The following CCAR1 variants were observed in gnomAD, a reference collection of about 807,000 sequenced individuals.
CCAR1 encodes the protein cell division cycle and apoptosis regulator protein 1.
CCAR1 carries 78 observed loss-of-function variants against 163.8 expected under a neutral mutation model. The observed-to-expected ratio is 0.48, with a 90% CI of 0.40 to 0.57. CCAR1 has a LOEUF of 0.57. CCAR1 is among the 20% of genes least tolerant of loss of function. The pLI is 0.00. For synonymous variants in CCAR1, 443 were observed against 460.7 expected (o/e 0.96, Z 0.49); for missense variants, 1,019 against 1,365.2 (o/e 0.75, Z 4.00).
intron 24 of CCAR1, among the ~76,000 whole-genome samples, chr10:68,790,998 C>T (rs1038779636): frequency 2.0e-5 from 3 of 151,976 alleles, no homozygotes; most frequent in Admixed American, 6.6e-5. Flanking sequence ...ACACCTGCCC[C>T]ATTCACTGCA....
intron 2 of CCAR1, among the ~76,000 whole-genome samples, chr10:68,727,933 G>T (rs1318610572): frequency 6.6e-6 from 1 of 152,104 alleles, no homozygotes. Context: ...CTGCCTCCAG[G>T]GTTCAAGCAA....
At chr10:68,759,668 G>A (rs985073552) in intron 15 of CCAR1, among the ~76,000 whole-genome samples, 2 of 151,932 alleles carry the variant, frequency 1.3e-5, no homozygotes, top group Admixed American at 6.6e-5. Flanking sequence ...ATGCTGCCGC[G>A]GTGAGCCGTG....
chr10:68,777,703 G>A (rs1023160563), intron 19 of CCAR1, among the ~76,000 whole-genome samples: 1 of 149,112 alleles, frequency 6.7e-6, no homozygotes, highest in Non-Finnish European at 1.5e-5. Flanking sequence ...AAAAGCCACT[G>A]TTCAGATCAC....
intron 1 of CCAR1, chr10:68,721,620 G>C (rs1038627958): frequency 2.2e-6 from 1 of 444,838 alleles, no homozygotes; most frequent in Non-Finnish European, 4.5e-6. Context: ...GGACATCGTG[G>C]CGGCTCCCGG....
intron 19 of CCAR1, among the ~76,000 whole-genome samples, chr10:68,774,748 T>G (rs184215907): frequency 6.6e-6 from 1 of 152,220 alleles, no homozygotes; most frequent in East Asian, 1.9e-4. Flanking sequence ...TTCGCCTAAG[T>G]TTTATAAGAC....
intron 19 of CCAR1, among the ~76,000 whole-genome samples, chr10:68,776,082 G>C (rs1474908528): frequency 2.0e-5 from 3 of 151,976 alleles, no homozygotes; most frequent in African/African-American, 7.2e-5. Flanking sequence ...ACCCGCCTCA[G>C]CCTCCCAAAG....
chr10:68,783,208 G>T (rs1324850154), intron 19 of CCAR1, among the ~76,000 whole-genome samples: 1 of 150,898 alleles, frequency 6.6e-6, no homozygotes, highest in Non-Finnish European at 1.5e-5. Context: ...TTTATTTTTT[G>T]AGACGGAGTC....
Position 68,754,717 on chromosome 10 carries a change from A to G in CCAR1, c.1348A>G (p.Met450Val). ...DADHLYSAKV[M>V]LMASPSMEDL... is the part of the protein sequence containing the mutation. Reference sequence around the variant, plus strand: ...TTGAATTATTTGACTATAATAGGTAATGCTGATGGCTAGCCCTAGTATGGA... The same window carrying G: ...TTGAATTATTTGACTATAATAGGTAGTGCTGATGGCTAGCCCTAGTATGGA... Residue 450 changes from methionine to valine, a missense_variant, in exon 12 of 25, where the codon ATG (methionine) becomes GTG (valine). By Grantham distance (21) the Met-to-Val change is conservative. Transcript: ENST00000265872. 6.4e-7 allele frequency: 1 copy of G among 1,563,172 alleles called. No individual in the cohort carries two copies. Among genetic ancestry groups the G allele is most frequent in the Non-Finnish European group, 8.8e-7 (1 of 1,134,910 alleles).
Position 68,755,551 on chromosome 10 carries a change from A to G in CCAR1, c.1625+15A>G. The G allele has an allele frequency of 1.3e-6, 2 of 1,593,198 alleles. No individual in the cohort carries two copies. The highest frequency in any genetic ancestry group is 1.7e-6 in the Non-Finnish European group (2 of 1,166,662). ...TGCACACAATGGTAAGTACTAATTCATTTCTTGATTAGAAGTGTTTTACTG... is the reference window on the plus strand; with the variant it reads ...TGCACACAATGGTAAGTACTAATTCGTTTCTTGATTAGAAGTGTTTTACTG... On this transcript the variant is annotated intron_variant, in intron 13 of 24. Transcript: ENST00000265872.
intron 2 of CCAR1, among the ~76,000 whole-genome samples, chr10:68,727,265 T>C (rs1053390758): frequency 6.6e-6 from 1 of 151,772 alleles, no homozygotes; most frequent in African/African-American, 2.4e-5. Context: ...TTAGTAAACA[T>C]GGGGTTTTGC....
At chr10:68,732,240 A>G (rs1182511533) in intron 2 of CCAR1, among the ~76,000 whole-genome samples, 4 of 152,192 alleles carry the variant, frequency 2.6e-5, no homozygotes, top group African/African-American at 7.2e-5. Context: ...ATTTATTAAC[A>G]TGCCAATTCA....
At chr10:68,762,500 C>T (rs1589176060) in intron 16 of CCAR1, among the ~76,000 whole-genome samples, 4 of 152,166 alleles carry the variant, frequency 2.6e-5, no homozygotes, top group African/African-American at 7.2e-5. Context: ...TTTTATGCTT[C>T]AGTTTTATGT....
intron 4 of CCAR1, among the ~76,000 whole-genome samples, chr10:68,739,914 T>C (rs1224163391): frequency 6.6e-6 from 1 of 152,224 alleles, no homozygotes; most frequent in African/African-American, 2.4e-5. Context: ...AATTTGTATT[T>C]CAGAATTTTA....
At chr10:68,783,917 G>A (rs1438000284) in intron 19 of CCAR1, among the ~76,000 whole-genome samples, 1 of 151,564 alleles carries the variant, frequency 6.6e-6, no homozygotes, top group Non-Finnish European at 1.5e-5. Flanking sequence ...ACCACGCCTG[G>A]CAAATTTTTT....
Position 68,789,823 on chromosome 10 carries a change from G to T in CCAR1, c.3301G>T (p.Glu1101Ter). The T allele has an allele frequency of 6.2e-7, 1 of 1,608,028 alleles. No homozygotes were observed. The highest frequency in any genetic ancestry group is 1.1e-5 in the South Asian group (1 of 89,298). ...GTTACAAGAAAACTTAAAGATTTCG[G>T]AAAACATGAATTTACAATTTGAAAA... ...SQLQENLKIS[E>*]NMNLQFENQM... The change falls in exon 24 of 25, where the codon GAA (glutamate) becomes TAA (stop). Residue 1101 changes from glutamate (E) to a stop codon, truncating the protein, a stop_gained. Transcript: ENST00000265872. LOFTEE classifies it high-confidence loss of function.
chr10:68,761,455 C>T (rs1271345149), intron 16 of CCAR1, among the ~76,000 whole-genome samples: 3 of 151,944 alleles, frequency 2.0e-5, no homozygotes, highest in East Asian at 3.9e-4. Flanking sequence ...TACAGGCGCC[C>T]GCCACTACGC....
intron 17 of CCAR1, among the ~76,000 whole-genome samples, chr10:68,767,962 A>G (rs1000491894): frequency 4.6e-5 from 7 of 152,246 alleles, no homozygotes; most frequent in African/African-American, 1.7e-4. Context: ...TTAATTTTGT[A>G]GTGTCCTGTA....
chr10:68,753,838 T>C lies in CCAR1; in HGVS notation c.1119-14T>C, dbSNP rs771371760. On this transcript the variant is annotated splice_polypyrimidine_tract_variant and intron_variant, in intron 10 of 24. Coordinates refer to ENST00000265872, the MANE Select transcript of CCAR1 (RefSeq NM_018237.4). ...ATTAAGGCTATTTATTCACTACTTATGTCTGTTTTTCAGTCCCAGTTGTGA... is the reference window on the plus strand; with the variant it reads ...ATTAAGGCTATTTATTCACTACTTACGTCTGTTTTTCAGTCCCAGTTGTGA... The C allele has an allele frequency of 2.5e-5, 39 of 1,561,794 alleles. No homozygotes were observed. The highest frequency in any genetic ancestry group is 9.0e-5 in the East Asian group (4 of 44,596).
chr10:68,732,818 G>A lies in CCAR1; in HGVS notation c.74-4058G>A, dbSNP rs1051619651. Among the ~76,000 whole-genome samples the A allele has an allele frequency of 3.9e-5, 6 of 152,156 alleles. 1 individual carries two copies. Among genetic ancestry groups the A allele is most frequent in the Middle Eastern group, 6.8e-3 (2 of 294 alleles). ...GCATGCGACTGTAGTCCCAGTTGCC[G>A]GGGATGCTGAGGCGAGAGGATTGCT... On this transcript the variant is annotated intron_variant, in intron 2 of 24. Coordinates refer to ENST00000265872, the MANE Select transcript of CCAR1 (RefSeq NM_018237.4).
Sources: gnomAD v4.1 joint callset for allele counts (sites outside exome capture counted in the v4.1 genomes callset) on GRCh38, gnomAD v4.1.1 for gene constraint, MANE v1.5 for transcripts, NCBI Gene and HGNC (gene_info 2026-07-23, HGNC 2026-07-21) for gene names.